Variants in CNTN1 observed in about 807,000 individuals in gnomAD.
The protein encoded by CNTN1 is contactin 1, also known as contactin-1.
Under a neutral mutation model 126.4 loss-of-function variants are expected in CNTN1, and 38 were observed. The observed-to-expected ratio is 0.30, with a 90% confidence interval of 0.23 to 0.39. CNTN1 has a LOEUF of 0.39. Ranked by LOEUF, CNTN1 falls within the 10% of genes least tolerant of loss-of-function variation. The pLI is 1.00. For missense variants in CNTN1, 1,009 were observed against 1,248.4 expected, an observed-to-expected ratio of 0.81 and a Z score of 2.89; for synonymous variants, 413 against 422.6, an observed-to-expected ratio of 0.98 and a Z score of 0.28.
chr12:40,696,906 T>A (rs1362606310), intron 1 of CNTN1, among the ~76,000 whole-genome samples: 2 of 152,222 alleles, frequency 1.3e-5, no homozygotes, highest in Non-Finnish European at 2.9e-5. Flanking sequence ...TATTTTTCAA[T>A]TATAGATTTG....
At chr12:40,985,702 T>C (rs2120432619) in intron 16 of CNTN1, among the ~76,000 whole-genome samples, 1 of 152,336 alleles carries the variant, frequency 6.6e-6, no homozygotes, top group South Asian at 2.1e-4. Flanking sequence ...TGGCTTCTTG[T>C]ATTCTTAGGT....
chr12:41,060,070 T>C (rs1378084126), intron 23 of CNTN1, among the ~76,000 whole-genome samples: 1 of 152,178 alleles, frequency 6.6e-6, no homozygotes, highest in African/African-American at 2.4e-5. Flanking sequence ...TGGATCAGGC[T>C]GTCCAGAATC....
chr12:40,822,111 T>C (rs1219902510), intron 1 of CNTN1, among the ~76,000 whole-genome samples: 1 of 150,544 alleles, frequency 6.6e-6, no homozygotes, highest in Admixed American at 6.7e-5. Context: ...TACTTCTCAA[T>C]GTTTTTTATA....
chr12:41,060,279 G>A (rs1036262555), intron 23 of CNTN1, among the ~76,000 whole-genome samples: 2 of 152,040 alleles, frequency 1.3e-5, no homozygotes. Flanking sequence ...AAACCCACAG[G>A]GCCATGTATC....
chr12:40,731,088 A>G (rs1393696446), intron 1 of CNTN1, among the ~76,000 whole-genome samples: 4 of 152,072 alleles, frequency 2.6e-5, no homozygotes, highest in Non-Finnish European at 5.9e-5. Context: ...GTCACCAAAA[A>G]CAAAAGTTTA....
rs1247263774 is a variant in CNTN1, at chr12:41,059,524, A to C, written c.2981-10435A>C. Among the ~76,000 whole-genome samples, 8 of 152,218 alleles carry C rather than the reference A, an allele frequency of 5.3e-5. No homozygotes were observed. In the East Asian group the frequency reaches 1.5e-3, roughly 29 times the overall value. On this transcript the variant is annotated intron_variant, in intron 23 of 23. Coordinates refer to ENST00000551295, the MANE Select transcript of CNTN1 (RefSeq NM_001843.4). ...ATGAAGCAGCCAGGATGTAGAGGAA[A>C]TAGTACTGGGCTTAGATTCTGGTTT...
At chr12:40,969,624 C>T (rs1390157757) in intron 15 of CNTN1, among the ~76,000 whole-genome samples, 2 of 152,136 alleles carry the variant, frequency 1.3e-5, no homozygotes, top group East Asian at 3.9e-4. Context: ...AAGCACAACA[C>T]TATTTTAATT....
chr12:40,977,766 GTTTT>G (rs1348574247), intron 15 of CNTN1, among the ~76,000 whole-genome samples: 20 of 1,808 alleles, frequency 0.011, no homozygotes, highest in Middle Eastern at 0.5. Flanking sequence ...ACAATCATCT[GTTTT>G]GTTTTGTTTT....
intron 16 of CNTN1, among the ~76,000 whole-genome samples, chr12:40,984,378 T>C (rs747555671): frequency 6.6e-6 from 1 of 152,170 alleles, no homozygotes; most frequent in Non-Finnish European, 1.5e-5. Flanking sequence ...AGAGTTTTAT[T>C]TGGCTCACAG....
Position 40,716,238 on chromosome 12 carries a change from C to T in CNTN1, c.-77+23646C>T, listed in dbSNP as rs140397938. Among the ~76,000 whole-genome samples, 72 of 151,614 alleles carry T rather than the reference C, an allele frequency of 4.7e-4. 1 individual carries two copies. Among genetic ancestry groups the T allele is most frequent in the African/African-American group, 1.7e-3 (70 of 41,378 alleles). ...ATTCCTTCTCTCTCTCTCTGTGTCT[C>T]TCTCTCTCCTTTTCTTCTTCCCTTC... On this transcript the variant is annotated intron_variant, in intron 1 of 23. Coordinates refer to ENST00000551295, the MANE Select transcript of CNTN1 (RefSeq NM_001843.4).
intron 1 of CNTN1, among the ~76,000 whole-genome samples, chr12:40,770,895 G>A (rs1164133670): frequency 6.6e-6 from 1 of 152,020 alleles, no homozygotes; most frequent in Non-Finnish European, 1.5e-5. Context: ...TTTTACTAGT[G>A]ACAATGAAAT....
In CNTN1 at chr12:40,832,715, G is replaced by A. The variant is rs143117592; in HGVS notation, c.-76-75642G>A. 2.2e-3 allele frequency among the ~76,000 whole-genome samples: 341 copies of A among 152,276 alleles called. 1 individual carries two copies. The highest frequency in any genetic ancestry group is 7.6e-3 in the African/African-American group (317 of 41,554). Reference sequence around the variant, plus strand: ...GAAGGACCACCCTTCCTAGGTGTTAGCTGATTACTGGAGTTAGTATACAAC... The same window carrying A: ...GAAGGACCACCCTTCCTAGGTGTTAACTGATTACTGGAGTTAGTATACAAC... On this transcript the variant is annotated intron_variant, in intron 1 of 23. Transcript: ENST00000551295.
chr12:40,709,897 A>T (rs1432561322), intron 1 of CNTN1, among the ~76,000 whole-genome samples: 4 of 152,178 alleles, frequency 2.6e-5, no homozygotes, highest in Admixed American at 2.6e-4. Flanking sequence ...ATTATCAGCA[A>T]TAAGTCTGAT....
At chr12:40,728,483 T>G (rs527264114) in intron 1 of CNTN1, among the ~76,000 whole-genome samples, 2 of 152,268 alleles carry the variant, frequency 1.3e-5, no homozygotes, top group South Asian at 2.1e-4. Flanking sequence ...AAATACTACC[T>G]AGCGACTTCT....
At chr12:41,053,034 G>A (rs953726776) in intron 23 of CNTN1, among the ~76,000 whole-genome samples, 1 of 151,514 alleles carries the variant, frequency 6.6e-6, no homozygotes, top group African/African-American at 2.4e-5. Flanking sequence ...TAGAGAACTG[G>A]CATGTGTGAT....
chr12:40,983,865 ATAGCATATTTTATTTTATGCTATT>A (rs1566089080), intron 16 of CNTN1, among the ~76,000 whole-genome samples: 26 of 62,118 alleles, frequency 4.2e-4, no homozygotes, highest in Admixed American at 6.1e-4. Flanking sequence ...ATATGCTATT[ATAGCATATTTTATTTTATGCTATT>A]ATAGCATATT....
intron 1 of CNTN1, among the ~76,000 whole-genome samples, chr12:40,760,835 G>GCACACACACACACACACA (rs1165228762): frequency 1.3e-5 from 2 of 150,450 alleles, no homozygotes; most frequent in African/African-American, 4.9e-5. Flanking sequence ...TCAAAATAAT[G>GCACACACACACACACACA]CACACACACA....
At chr12:41,027,762 C>A in intron 21 of CNTN1, 95 bp from the exon 22 acceptor site, 1 of 797,130 alleles carries the variant, frequency 1.3e-6, no homozygotes, top group South Asian at 1.4e-5. Context: ...TGGTGGTGGT[C>A]ATTATCATCA....
At chr12:40,900,008 G>A (rs143281522) in intron 1 of CNTN1, among the ~76,000 whole-genome samples, 1 of 152,184 alleles carries the variant, frequency 6.6e-6, no homozygotes, top group African/African-American at 2.4e-5. Context: ...TCTGTGCTCT[G>A]TTACTAGCTA....
Sources: allele counts gnomAD v4.1 joint callset (sites outside exome capture counted in the v4.1 genomes callset), GRCh38; gene constraint gnomAD v4.1.1; transcripts MANE v1.5; gene names NCBI Gene and HGNC (gene_info 2026-07-23, HGNC 2026-07-21).